The following SPEF2 variants were observed in gnomAD, a reference collection of about 807,000 sequenced individuals.
SPEF2 encodes the protein sperm flagellar and cilia associated 2.
A neutral mutation model predicts 224.6 loss-of-function variants in SPEF2; 187 were observed. The ratio of observed to expected loss-of-function variants is 0.83; its 90% CI spans 0.74 to 0.94. The LOEUF (loss-of-function observed/expected upper bound fraction) is 0.94. Among genes scored for constraint, SPEF2 ranks in the 40% least tolerant of loss-of-function variants. The pLI is 0.00. For missense variants in SPEF2, 2,170 were observed against 2,135.6 expected (o/e 1.02, Z -0.32); for synonymous variants, 715 against 707.3 (o/e 1.01, Z -0.17).
At chr5:35,624,946 T>C (rs1744031107) in intron 1 of SPEF2, among the ~76,000 whole-genome samples, 1 of 152,234 alleles carries the variant, frequency 6.6e-6, no homozygotes, top group East Asian at 1.9e-4. Context: ...TGTCTTCTTA[T>C]TTTATACGTT....
At chr5:35,762,916 C>A (rs1025543938) in intron 25 of SPEF2, among the ~76,000 whole-genome samples, 1 of 152,166 alleles carries the variant, frequency 6.6e-6, no homozygotes, top group African/African-American at 2.4e-5. Context: ...AAAGAGAAAA[C>A]CTTTGTGGGG....
chr5:35,670,487 T>G (rs925733580), intron 10 of SPEF2: 1 of 1,089,958 alleles, frequency 9.2e-7, no homozygotes, highest in African/African-American at 1.6e-5. Flanking sequence ...GTAGACAGAT[T>G]TCAGAATTTT....
intron 20 of SPEF2, among the ~76,000 whole-genome samples, chr5:35,718,432 C>T (rs1463746043): frequency 6.6e-6 from 1 of 152,070 alleles, no homozygotes; most frequent in Non-Finnish European, 1.5e-5. Flanking sequence ...GATGAATGAC[C>T]ACCCATCTAG....
At position 35,727,712 on chromosome 5, in the gene SPEF2, A is replaced by G. The variant is rs754307749; in HGVS notation, c.2952A>G (p.Pro984=). The G allele has an allele frequency of 3.1e-6, 5 of 1,613,904 alleles. No homozygotes were observed. The highest frequency in any genetic ancestry group is 4.2e-6 in the Non-Finnish European group (5 of 1,179,850). ...GAAAATCATCAGGAGGAAAAGTACC[A>G]GTAAAGAAATCACCTGCTGACTCTA... is the stretch of plus-strand genomic sequence containing the variant. ...PKGKSSGGKV[P]VKKSPADSTD... The change falls in exon 21 of 37, where the codon CCA becomes CCG. Residue 984 remains proline (P), a synonymous_variant. Coordinates refer to ENST00000356031, the MANE Select transcript of SPEF2 (RefSeq NM_024867.4).
chr5:35,774,118 C>T (rs1753267435), intron 28 of SPEF2, 97 bp downstream of exon 28: 2 of 1,459,358 alleles, frequency 1.4e-6, no homozygotes, highest in Non-Finnish European at 1.8e-6. Context: ...CAGACCATGT[C>T]TATGAGAACA....
chr5:35,641,808 C>T, intron 3 of SPEF2, 125 bp downstream of exon 3: 1 of 994,806 alleles, frequency 1.0e-6, no homozygotes, highest in East Asian at 2.6e-5. Flanking sequence ...ATGTTACTGG[C>T]CATACTTGGG....
chr5:35,789,588 A>T, intron 30 of SPEF2: 1 of 647,208 alleles, frequency 1.5e-6, no homozygotes, highest in East Asian at 2.7e-5. Context: ...TGTGAGAAAC[A>T]TTGTTTTAAC....
intron 36 of SPEF2, chr5:35,807,707 A>G (rs1208170538): frequency 6.5e-7 from 1 of 1,536,080 alleles, no homozygotes; most frequent in South Asian, 1.2e-5. Context: ...CATCAGGAAA[A>G]CAGTGTGCAA....
chr5:35,789,861 C>T (rs1317995341), intron 30 of SPEF2: 3 of 702,888 alleles, frequency 4.3e-6, no homozygotes, highest in Non-Finnish European at 7.8e-6. Context: ...TTAGAAGCTG[C>T]CAATGTGAAA....
At chr5:35,713,140 G>T (rs1439046865) in intron 20 of SPEF2, among the ~76,000 whole-genome samples, 2 of 152,120 alleles carry the variant, frequency 1.3e-5, no homozygotes, top group African/African-American at 4.8e-5. Context: ...ATTTATCAGA[G>T]ATATTTTAGC....
chr5:35,696,777 C>T (rs77350408), intron 14 of SPEF2, among the ~76,000 whole-genome samples: 2,864 of 152,234 alleles, frequency 0.019, 49 homozygotes, highest in Middle Eastern at 0.061. Flanking sequence ...AGCAGGAACA[C>T]AGGCCAAGGG....
chr5:35,730,022 G>C (rs993987189), intron 21 of SPEF2, among the ~76,000 whole-genome samples: 13 of 152,156 alleles, frequency 8.5e-5, no homozygotes, highest in African/African-American at 2.9e-4. Context: ...CACCTGCCAA[G>C]GAAGGGGAAG....
chr5:35,789,947 G>T (rs749742649), intron 30 of SPEF2: 24 of 702,480 alleles, frequency 3.4e-5, no homozygotes, highest in Middle Eastern at 2.3e-4. Flanking sequence ...GCAAGCTGAG[G>T]AAAGTGGTGG....
chr5:35,711,152 C>T (rs1291029149), intron 19 of SPEF2, among the ~76,000 whole-genome samples: 4 of 152,128 alleles, frequency 2.6e-5, no homozygotes, highest in East Asian at 1.9e-4. Flanking sequence ...ACATGCCCTA[C>T]TCAAACATCT....
chr5:35,738,290 T>C (rs890593884), intron 21 of SPEF2, among the ~76,000 whole-genome samples: 12 of 152,072 alleles, frequency 7.9e-5, no homozygotes, highest in African/African-American at 2.4e-4. Context: ...TCCTTGCCCA[T>C]GCCTGTGTCC....
At chr5:35,721,163 C>T (rs992603202) in intron 20 of SPEF2, among the ~76,000 whole-genome samples, 2 of 152,182 alleles carry the variant, frequency 1.3e-5, no homozygotes, top group African/African-American at 4.8e-5. Flanking sequence ...ACCTTTTCTG[C>T]AAGATTAATT....
At chr5:35,619,902 A>G (rs1743261987) in intron 1 of SPEF2, among the ~76,000 whole-genome samples, 1 of 148,492 alleles carries the variant, frequency 6.7e-6, no homozygotes, top group South Asian at 2.1e-4. Context: ...ACTAAGTAAG[A>G]ATTTTAACAA....
intron 30 of SPEF2, chr5:35,790,303 C>G (rs544658828): frequency 3.3e-6 from 2 of 597,606 alleles, no homozygotes; most frequent in Admixed American, 6.2e-5. Flanking sequence ...GCAAGAACAC[C>G]GTCTTCAACT....
At chr5:35,650,675 G>A (rs2149427271) in intron 6 of SPEF2, among the ~76,000 whole-genome samples, 1 of 152,232 alleles carries the variant, frequency 6.6e-6, no homozygotes, top group Admixed American at 6.5e-5. Context: ...TGTCTCCCAG[G>A]CCCTGCACCA....
Sources: gnomAD v4.1 joint callset for allele counts (sites outside exome capture counted in the v4.1 genomes callset) on GRCh38, gnomAD v4.1.1 for gene constraint, MANE v1.5 for transcripts, NCBI Gene and HGNC (gene_info 2026-07-23, HGNC 2026-07-21) for gene names.